Variants in C5orf58 observed in about 807,000 individuals in gnomAD.
C5orf58 encodes putative uncharacterized protein C5orf58.
C5orf58 carries 2 observed loss-of-function variants against 2.9 expected under a neutral mutation model. That is an observed-to-expected ratio of 0.69 (90% CI 0.28 to 2.18). The LOEUF is 2.18. C5orf58 is among the 30% of genes most tolerant of loss of function. The pLI is 0.13. For synonymous variants in C5orf58, 37 were observed against 33.4 expected (o/e 1.11, Z -0.37); for missense variants, 96 against 91.7 (o/e 1.05, Z -0.19).
chr5:170,237,648 G>T (rs1430458536), intron 3 of C5orf58, among the ~76,000 whole-genome samples: 1 of 152,134 alleles, frequency 6.6e-6, no homozygotes, highest in African/African-American at 2.4e-5. Context: ...GTGGCACCAG[G>T]ATCTTCTGGA....
chr5:170,252,551 G>C, downstream of C5orf58: 1 of 1,016,556 alleles, frequency 9.8e-7, no homozygotes, highest in Non-Finnish European at 1.5e-6. Context: ...AAATTTTACA[G>C]TTACAGATGT....
chr5:170,247,332 T>C (rs975920737), downstream of C5orf58: 1 of 152,230 alleles, frequency 6.6e-6, no homozygotes, highest in African/African-American at 2.4e-5. Flanking sequence ...CAGTTAAAAG[T>C]CTCTACCTTC....
chr5:170,250,975 GACAA>G, downstream of C5orf58: 1 of 1,009,310 alleles, frequency 9.9e-7, no homozygotes, highest in Non-Finnish European at 1.5e-6. Flanking sequence ...CTAGGGATCT[GACAA>G]ACATGTCAGT....
At chr5:170,250,824 A>G, downstream of C5orf58, 1 of 1,612,166 alleles carries the variant, frequency 6.2e-7, no homozygotes, top group East Asian at 2.2e-5. Flanking sequence ...GTACAACACC[A>G]TGAGGACATA....
At chr5:170,239,501 C>A (rs1274353987) in intron 3 of C5orf58, among the ~76,000 whole-genome samples, 1 of 150,972 alleles carries the variant, frequency 6.6e-6, no homozygotes, top group African/African-American at 2.4e-5. Context: ...ACTGAAATGA[C>A]CAAAGCAACA....
chr5:170,234,386 C>T (rs1440526573), intron 2 of C5orf58, among the ~76,000 whole-genome samples, 188 bp downstream of exon 2: 1 of 152,186 alleles, frequency 6.6e-6, no homozygotes, highest in Non-Finnish European at 1.5e-5. Flanking sequence ...TGGTTAAATA[C>T]AGGTACTGTA....
At chr5:170,236,316 C>T (rs1374138486) in intron 3 of C5orf58, among the ~76,000 whole-genome samples, 3 of 152,156 alleles carry the variant, frequency 2.0e-5, no homozygotes, top group Non-Finnish European at 2.9e-5. Context: ...GGACTTTGAT[C>T]TGTGAACCCT....
downstream of C5orf58, chr5:170,248,699 A>G (rs199548705): frequency 3.2e-5 from 52 of 1,611,792 alleles, no homozygotes; most frequent in African/African-American, 2.1e-4. Context: ...ATAACTTGCT[A>G]TGGGTACCCT....
At chr5:170,237,997 T>G (rs1760813463) in intron 3 of C5orf58, among the ~76,000 whole-genome samples, 1 of 152,136 alleles carries the variant, frequency 6.6e-6, no homozygotes, top group Non-Finnish European at 1.5e-5. Context: ...ATAAAAGATC[T>G]AAAGATACTA....
chr5:170,241,093 C>T (rs1299296173), intron 3 of C5orf58, among the ~76,000 whole-genome samples: 251 of 147,528 alleles, frequency 1.7e-3, no homozygotes, highest in African/African-American at 4.0e-3. Context: ...TGTAGATATG[C>T]GGCGTTATTT....
chr5:170,246,059 T>C lies in C5orf58; in HGVS notation c.192T>C (p.Phe64=), dbSNP rs542477461. ...LAEAERNNPL[F]EESKISDVSL... is the part of the protein sequence containing the mutation. ...AAGCAGAAAGAAACAACCCCCTCTT[T>C]GAAGAGTCTAAAATATCAGATGTAT... Residue 64 remains phenylalanine, a synonymous_variant, in exon 4 of 4, where the codon TTT becomes TTC. Transcript: ENST00000593851. The C allele has an allele frequency of 3.1e-6, 5 of 1,613,652 alleles. No individual in the cohort carries two copies. The highest frequency in any genetic ancestry group is 3.3e-5 in the Admixed American group (2 of 60,030).
downstream of C5orf58, chr5:170,246,236 A>T: frequency 2.5e-6 from 2 of 803,790 alleles, no homozygotes; most frequent in Non-Finnish European, 3.7e-6. Flanking sequence ...CAAGCAGTTC[A>T]TGTTCTTGAA....
At chr5:170,248,851 C>A, downstream of C5orf58, 3 of 1,606,230 alleles carry the variant, frequency 1.9e-6, no homozygotes, top group Non-Finnish European at 2.6e-6. Context: ...GATGAGTCAA[C>A]ATTGGAATGA....
intron 3 of C5orf58, among the ~76,000 whole-genome samples, chr5:170,245,611 A>G (rs536882102): frequency 6.6e-6 from 1 of 152,294 alleles, no homozygotes; most frequent in Non-Finnish European, 1.5e-5. Flanking sequence ...AAGTGAGGCA[A>G]TGCCTCGCCC....
At chr5:170,237,138 T>G in intron 3 of C5orf58, 6 of 395,308 alleles carry the variant, frequency 1.5e-5, no homozygotes, top group Middle Eastern at 6.4e-4. Flanking sequence ...GATGTTTTCT[T>G]GAGACATTGT....
intron 3 of C5orf58, among the ~76,000 whole-genome samples, chr5:170,238,488 A>G (rs557177350): frequency 6.6e-6 from 1 of 152,252 alleles, no homozygotes; most frequent in Admixed American, 6.5e-5. Context: ...ACATCCAACA[A>G]ATAAGAGTGT....
chr5:170,249,787 C>T (rs990670413), downstream of C5orf58, among the ~76,000 whole-genome samples: 14 of 152,186 alleles, frequency 9.2e-5, no homozygotes, highest in Admixed American at 2.0e-4. Flanking sequence ...TCACAACTCA[C>T]CTAGGAACCC....
At chr5:170,251,826 T>A in exon 3 of C5orf58, 1 of 328,908 alleles carries the variant, frequency 3.0e-6, no homozygotes, top group East Asian at 7.5e-5. Flanking sequence ...TTTCAAAAGT[T>A]CTCCGGGTGA....
chr5:170,237,999 A>G (rs1760813609), intron 3 of C5orf58, among the ~76,000 whole-genome samples: 1 of 152,188 alleles, frequency 6.6e-6, no homozygotes, highest in South Asian at 2.1e-4. Context: ...AAAAGATCTA[A>G]AGATACTAAT....
Sources: gnomAD v4.1 joint callset for allele counts (sites outside exome capture counted in the v4.1 genomes callset) on GRCh38, gnomAD v4.1.1 for gene constraint, MANE v1.5 for transcripts, NCBI Gene and HGNC (gene_info 2026-07-23, HGNC 2026-07-21) for gene names.